The following ZBTB8B variants were observed in gnomAD, a reference collection of about 807,000 sequenced individuals.
The protein encoded by ZBTB8B is zinc finger and BTB domain containing 8B.
ZBTB8B carries 17 observed loss-of-function variants against 30.3 expected under a neutral mutation model. That is an observed-to-expected ratio of 0.56 (90% CI 0.38 to 0.84). The LOEUF (loss-of-function observed/expected upper bound fraction) is 0.84. Ranked by LOEUF, ZBTB8B falls within the 40% of genes least tolerant of loss-of-function variation. The pLI, the probability that ZBTB8B is intolerant of heterozygous loss-of-function variation, is 0.00. For missense variants in ZBTB8B, 515 were observed against 644.9 expected, an observed-to-expected ratio of 0.80 and a Z score of 2.18; for synonymous variants, 248 against 255.6, an observed-to-expected ratio of 0.97 and a Z score of 0.28.
chr1:32,471,178 G>T lies in ZBTB8B; in HGVS notation c.554G>T (p.Ser185Ile). ...TCCTCTCCAGCCGAGGGAGAAAAGA[G>T]CGTGGAGTGCCTGAGAGAGTCCCCT... ...LVSSPAEGEK[S>I]VECLRESPCG... is the part of the protein sequence containing the mutation. Residue 185 changes from serine (S) to isoleucine (I), a missense_variant, in exon 2 of 4, where the codon AGC becomes ATC. Coordinates refer to ENST00000609129, the MANE Select transcript of ZBTB8B (RefSeq NM_001145720.2). 6.4e-7 allele frequency: 1 copy of T among 1,551,878 alleles called. No homozygotes were observed. The highest frequency in any genetic ancestry group is 2.0e-5 in the Admixed American group (1 of 51,016).
rs1281659521 is a variant in ZBTB8B, at chr1:32,471,079, C to T, written c.455C>T (p.Ala152Val). ...GCGGCTGCAGCGGCGGCAGCAGCGG[C>T]GGCTCATCAGGTTGACAGTGAAAGC... ...AAAAAAAAAA[A>V]AHQVDSESPS... The change falls in exon 2 of 4, where the codon GCG becomes GTG. Residue 152 changes from alanine to valine, a missense_variant. Physicochemically the swap from Ala to Val is moderately conservative, Grantham distance 64. Around this residue, in one of 3 missense-constraint regions of ZBTB8B, gnomAD observed 429 missense variants for 504.3 expected, o/e 0.85. Coordinates refer to ENST00000609129, the MANE Select transcript of ZBTB8B (RefSeq NM_001145720.2). 7.7e-6 allele frequency: 12 copies of T among 1,549,804 alleles called. No individual in the cohort carries two copies. The highest frequency in any genetic ancestry group is 1.7e-4 in the Middle Eastern group (1 of 6,012).
intron 2 of ZBTB8B, among the ~76,000 whole-genome samples, chr1:32,474,343 C>CAAAAAAAAAAAAAAAAAAAA (rs57001984): frequency 2.6e-5 from 1 of 39,142 alleles, no homozygotes; most frequent in Admixed American, 3.9e-4. Context: ...CCCATCTCTA[C>CAAAAAAAAAAAAAAAAAAAA]AAAAAAAAAA....
rs1025202943 is a variant in ZBTB8B, at chr1:32,495,158, T to C, written c.*9740T>C. 3.9e-5 allele frequency: 6 copies of C among 152,206 alleles called. No homozygotes were observed. Among genetic ancestry groups the C allele is most frequent in the African/African-American group, 1.2e-4 (5 of 41,462 alleles). The allele number at this position is 152,206 out of a possible 1,614,324, so 9.4% of individuals were successfully genotyped here. A position where few individuals can be genotyped will look rare whatever the true frequency, so the allele number is the denominator to read the frequency against. ...AGGGAATGTAACAAGAACAATCTTA[T>C]TTGAAACAGAAAACCACATATTTTT... is the stretch of plus-strand genomic sequence containing the variant. On this transcript the variant is annotated 3_prime_UTR_variant, in exon 4 of 4. Coordinates refer to ENST00000609129, the MANE Select transcript of ZBTB8B (RefSeq NM_001145720.2).
At position 32,465,315 on chromosome 1, in the gene ZBTB8B, C is replaced by T. The variant is rs1212252046; in HGVS notation, c.-42+210C>T. ...GGAGGGGCAGGCGCGGCCGTGGGGC[C>T]CCAGCTTCCCTGTCATTGGGTGTCC... is the stretch of plus-strand genomic sequence containing the variant. On this transcript the variant is annotated intron_variant, in intron 1 of 3. Coordinates refer to ENST00000609129, the MANE Select transcript of ZBTB8B (RefSeq NM_001145720.2). The surrounding 1 kb of genome is among the most constrained non-coding windows in gnomAD (Gnocchi z 4.1). 6.6e-6 allele frequency among the ~76,000 whole-genome samples: 1 copy of T among 152,234 alleles called. No individual in the cohort carries two copies. The highest frequency in any genetic ancestry group is 1.5e-5 in the Non-Finnish European group (1 of 68,038).
chr1:32,482,262 G>C (rs894810933), intron 3 of ZBTB8B, among the ~76,000 whole-genome samples: 2 of 152,040 alleles, frequency 1.3e-5, no homozygotes, highest in African/African-American at 2.4e-5. Flanking sequence ...GCCTCCCAAA[G>C]TGCTGGGATT....
intron 2 of ZBTB8B, among the ~76,000 whole-genome samples, chr1:32,472,827 C>T (rs775977511): frequency 3.3e-5 from 5 of 152,288 alleles, no homozygotes; most frequent in Middle Eastern, 3.4e-3. Flanking sequence ...ATGTTGGCCA[C>T]GCTAGTCTCA....
intron 3 of ZBTB8B, among the ~76,000 whole-genome samples, chr1:32,483,696 TAATAAA>T (rs947190079): frequency 1.3e-4 from 19 of 151,444 alleles, no homozygotes; most frequent in Admixed American, 3.3e-4. Flanking sequence ...AAGTATACTT[TAATAAA>T]AATAAAAATA....
intron 2 of ZBTB8B, 24 bp downstream of exon 2, chr1:32,471,639 GC>G (rs1465166757): frequency 6.5e-7 from 1 of 1,535,618 alleles, no homozygotes; most frequent in South Asian, 1.2e-5. Flanking sequence ...GCATTCATCA[GC>G]CCTGCCAGTG....
At position 32,471,305 on chromosome 1, in the gene ZBTB8B, A is replaced by G; in HGVS notation, c.681A>G (p.Ile227Met). 6.4e-7 allele frequency: 1 copy of G among 1,551,834 alleles called. No homozygotes were observed. The highest frequency in any genetic ancestry group is 8.7e-7 in the Non-Finnish European group (1 of 1,147,012). Residue 227 changes from isoleucine (I) to methionine (M), a missense_variant, in exon 2 of 4, where the codon ATA becomes ATG. This residue lies in a region of ZBTB8B where 429 missense variants were observed against 504.3 expected (regional missense o/e 0.85). Coordinates refer to ENST00000609129, the MANE Select transcript of ZBTB8B (RefSeq NM_001145720.2). ...DSNLSTPPKRIEPKVEFDADE... is the reference protein window; with the variant it reads ...DSNLSTPPKRMEPKVEFDADE... ...ACCTCTCTACTCCACCCAAACGGAT[A>G]GAGCCCAAGGTGGAATTTGATGCTG... is the stretch of plus-strand genomic sequence containing the variant.
At chr1:32,473,337 A>G (rs1191764722) in intron 2 of ZBTB8B, among the ~76,000 whole-genome samples, 2 of 152,038 alleles carry the variant, frequency 1.3e-5, no homozygotes, top group African/African-American at 4.8e-5. Flanking sequence ...AAGAAAAGAA[A>G]AGGAAAAAAA....
intron 2 of ZBTB8B, 48 bp from the exon 3 acceptor site, chr1:32,480,843 T>A (rs573078165): frequency 8.7e-6 from 13 of 1,488,784 alleles, no homozygotes; most frequent in Non-Finnish European, 1.2e-5. Flanking sequence ...GTAGCCAGGG[T>A]TGGTCACTGC....
At chr1:32,479,984 T>A (rs1643692462) in intron 2 of ZBTB8B, among the ~76,000 whole-genome samples, 1 of 152,200 alleles carries the variant, frequency 6.6e-6, no homozygotes, top group Admixed American at 6.5e-5. Flanking sequence ...TAGAAAATAT[T>A]CTTAGGAACT....
At chr1:32,479,565 C>T (rs553406197) in intron 2 of ZBTB8B, among the ~76,000 whole-genome samples, 118 of 152,194 alleles carry the variant, frequency 7.8e-4, no homozygotes, top group Non-Finnish European at 9.0e-4. Flanking sequence ...GGAGAAATCT[C>T]GGAATATAGT....
intron 1 of ZBTB8B, among the ~76,000 whole-genome samples, chr1:32,466,389 C>T (rs962024675): frequency 1.3e-5 from 2 of 152,058 alleles, no homozygotes; most frequent in South Asian, 2.1e-4. Context: ...TGTATGTAGC[C>T]GGTAACCGTT....
In ZBTB8B at chr1:32,496,187, A is replaced by G. The variant is rs551660210; in HGVS notation, c.*10769A>G. The G allele has an allele frequency of 6.6e-6, 1 of 152,358 alleles. No individual in the cohort carries two copies. The highest frequency in any genetic ancestry group is 2.4e-5 in the African/African-American group (1 of 41,590). 9.4% of individuals were successfully genotyped at this position (152,358 alleles called of 1,614,324 possible). A position where few individuals can be genotyped will look rare whatever the true frequency, so the allele number is the denominator to read the frequency against. On this transcript the variant is annotated 3_prime_UTR_variant, in exon 4 of 4. Transcript: ENST00000609129. ...AATACGAGACAATTTCTGGCAGACT[A>G]TCCCAAGCTGGGACATTTTAGATTC...
rs1557680845 is a variant in ZBTB8B at position 32,471,037 on chromosome 1, T to TGGCGGCGGCAGC, written c.423_434dup (p.Ala150_Ala153dup). 4 of 1,549,618 alleles carry TGGCGGCGGCAGC rather than the reference T, an allele frequency of 2.6e-6. No individual in the cohort carries two copies. Among genetic ancestry groups the TGGCGGCGGCAGC allele is most frequent in the Admixed American group, 2.0e-5 (1 of 50,954 alleles). ...AAGGAGGCTGCTGTGGCTGCAGCAGTGGCGGCGGCAGCGGCGGCGGCTGCA... is the reference window on the plus strand; with the variant it reads ...AAGGAGGCTGCTGTGGCTGCAGCAGTGGCGGCGGCAGCGGCGGCGGCAGCGGCGGCGGCTGCA... On this transcript the variant is annotated inframe_insertion, in exon 2 of 4. Coordinates refer to ENST00000609129, the MANE Select transcript of ZBTB8B (RefSeq NM_001145720.2).
rs1403697206 is a variant in ZBTB8B, at chr1:32,487,525, C to T, written c.*2107C>T. 1.3e-5 allele frequency: 2 copies of T among 152,230 alleles called. No homozygotes were observed. Among genetic ancestry groups the T allele is most frequent in the Non-Finnish European group, 2.9e-5 (2 of 68,062 alleles). The allele number at this position is 152,230 out of a possible 1,614,324, so 9.4% of individuals were successfully genotyped here. A position where few individuals can be genotyped will look rare whatever the true frequency, so the allele number is the denominator to read the frequency against. ...CAGTAGAATGGAAAATTTAAAACTT[C>T]TCTTATCACAGGTAGTTCGATAAAT... On this transcript the variant is annotated 3_prime_UTR_variant, in exon 4 of 4. Coordinates refer to ENST00000609129, the MANE Select transcript of ZBTB8B (RefSeq NM_001145720.2).
Position 32,491,031 on chromosome 1 carries a change from T to C in ZBTB8B, c.*5613T>C, listed in dbSNP as rs549546545. On this transcript the variant is annotated 3_prime_UTR_variant, in exon 4 of 4. Transcript: ENST00000609129. Reference sequence around the variant, plus strand: ...TTATTTTACTACTGCCAATTCTTCATTGACAATTGTGGTTTTAGGGGGGGC... The same window carrying C: ...TTATTTTACTACTGCCAATTCTTCACTGACAATTGTGGTTTTAGGGGGGGC... 6.6e-6 allele frequency: 1 copy of C among 152,348 alleles called. No individual in the cohort carries two copies. Among genetic ancestry groups the C allele is most frequent in the African/African-American group, 2.4e-5 (1 of 41,580 alleles). The allele number at this position is 152,348 out of a possible 1,614,324, so 9.4% of individuals were successfully genotyped here.
Position 32,493,794 on chromosome 1 carries a change from A to G in ZBTB8B, c.*8376A>G, listed in dbSNP as rs1643796902. The G allele has an allele frequency of 6.6e-6, 1 of 152,212 alleles. No individual in the cohort carries two copies. Among genetic ancestry groups the G allele is most frequent in the Admixed American group, 6.5e-5 (1 of 15,284 alleles). The allele number at this position is 152,212 out of a possible 1,614,324, so 9.4% of individuals were successfully genotyped here. ...TTTTTCAAGTAAAAATGAAATGACA[A>G]CAACAGATAACTTCCCATTATGTTG... On this transcript the variant is annotated 3_prime_UTR_variant, in exon 4 of 4. Coordinates refer to ENST00000609129, the MANE Select transcript of ZBTB8B (RefSeq NM_001145720.2).
Sources: allele counts gnomAD v4.1 joint callset (sites outside exome capture counted in the v4.1 genomes callset), GRCh38; gene constraint gnomAD v4.1.1; regional missense constraint gnomAD v4.1.1; non-coding constraint Gnocchi (gnomAD v3.1); transcripts MANE v1.5; gene names NCBI Gene and HGNC (gene_info 2026-07-23, HGNC 2026-07-21).